The following ARFIP1 variants were observed in gnomAD, a reference collection of about 807,000 sequenced individuals.
ARFIP1 encodes arfaptin-1.
ARFIP1 carries 24 observed loss-of-function variants against 42.5 expected under a neutral mutation model. The observed-to-expected ratio is 0.57, with a 90% CI of 0.41 to 0.80. The LOEUF (loss-of-function observed/expected upper bound fraction) is 0.80. Ranked by LOEUF, ARFIP1 falls within the 30% of genes least tolerant of loss-of-function variation. The pLI is 0.00. For synonymous variants in ARFIP1, 141 were observed against 153.7 expected (o/e 0.92, Z 0.61); for missense variants, 354 against 434.0 (o/e 0.82, Z 1.64).
rs571719202 is a variant in ARFIP1 at position 152,784,597 on chromosome 4, C to T, written c.-10+4371C>T. ...AGTAGGCAATCTGCTTTGAAATCTT[C>T]TTCTAGTATGACTGTCGGTTCAGAT... On this transcript the variant is annotated intron_variant, in intron 1 of 8. Coordinates refer to ENST00000353617, the MANE Select transcript of ARFIP1 (RefSeq NM_001025595.3). 5.3e-5 allele frequency among the ~76,000 whole-genome samples: 8 copies of T among 152,194 alleles called. No homozygotes were observed. The South Asian group carries it at 1.7e-3, about 31-fold the overall frequency.
At chr4:152,812,258 G>A (rs568995423) in intron 1 of ARFIP1, among the ~76,000 whole-genome samples, 4 of 152,314 alleles carry the variant, frequency 2.6e-5, no homozygotes, top group Non-Finnish European at 4.4e-5. Context: ...GCAGTGGCAC[G>A]ATCATGGCTC....
intron 1 of ARFIP1, among the ~76,000 whole-genome samples, chr4:152,808,341 A>G (rs372867551): frequency 4.6e-5 from 4 of 87,170 alleles, no homozygotes; most frequent in East Asian, 7.2e-4. Context: ...GTTGTGTTCT[A>G]TTGCTGTGTG....
rs1561090650 is a variant in ARFIP1, at chr4:152,781,393, C to T, written c.-10+1167C>T. 2.0e-5 allele frequency among the ~76,000 whole-genome samples: 3 copies of T among 152,012 alleles called. No individual in the cohort carries two copies. The East Asian group carries it at 5.8e-4, about 29-fold the overall frequency. On this transcript the variant is annotated intron_variant, in intron 1 of 8. Transcript: ENST00000353617. ...TGGGTTTACAGGTAGGCGCCACTAC[C>T]GCCTAGCTAATTTTTGTATTTTTAG...
At chr4:152,841,907 G>A (rs1049146693) in intron 2 of ARFIP1, among the ~76,000 whole-genome samples, 1 of 152,094 alleles carries the variant, frequency 6.6e-6, no homozygotes, top group African/African-American at 2.4e-5. Context: ...AATCTCAACT[G>A]CACAACCCCT....
intron 1 of ARFIP1, among the ~76,000 whole-genome samples, chr4:152,811,090 CTTTT>C (rs5863021): frequency 5.4e-5 from 4 of 74,404 alleles, no homozygotes; most frequent in Non-Finnish European, 7.6e-5. Flanking sequence ...AAGGTTAAGC[CTTTT>C]TTTTTTTTTT....
chr4:152,787,953 CA>C (rs1254933274), intron 1 of ARFIP1, among the ~76,000 whole-genome samples: 1 of 152,236 alleles, frequency 6.6e-6, no homozygotes, highest in African/African-American at 2.4e-5. Flanking sequence ...AGGCCGGGCA[CA>C]GTGGCTCACG....
At chr4:152,822,482 C>T (rs1046534013) in intron 1 of ARFIP1, among the ~76,000 whole-genome samples, 5 of 152,100 alleles carry the variant, frequency 3.3e-5, no homozygotes, top group African/African-American at 1.2e-4. Context: ...CTTCAGTACT[C>T]CACTGGTGAC....
chr4:152,841,314 A>G (rs1377349964), intron 2 of ARFIP1, among the ~76,000 whole-genome samples: 3 of 152,174 alleles, frequency 2.0e-5, no homozygotes, highest in Non-Finnish European at 2.9e-5. Flanking sequence ...GATTACAGGC[A>G]TGAGCCACCG....
chr4:152,814,135 G>T, intron 1 of ARFIP1, among the ~76,000 whole-genome samples: 1 of 147,714 alleles, frequency 6.8e-6, no homozygotes, highest in Non-Finnish European at 1.5e-5. Context: ...TGTCACCCAG[G>T]CTGGAGTGCA....
chr4:152,906,321 A>G (rs563447506), intron 8 of ARFIP1, among the ~76,000 whole-genome samples: 1 of 152,340 alleles, frequency 6.6e-6, no homozygotes, highest in South Asian at 2.1e-4. Flanking sequence ...AGCATGTCCA[A>G]AACTAAGCTG....
intron 8 of ARFIP1, among the ~76,000 whole-genome samples, chr4:152,894,624 A>G (rs527681565): frequency 1.3e-5 from 2 of 152,356 alleles, no homozygotes; most frequent in East Asian, 3.9e-4. Context: ...TCTAAATTTT[A>G]AAATAAGCAT....
chr4:152,799,809 T>G (rs1200724822), intron 1 of ARFIP1, among the ~76,000 whole-genome samples: 1 of 152,194 alleles, frequency 6.6e-6, no homozygotes, highest in Non-Finnish European at 1.5e-5. Flanking sequence ...AATGATGGGA[T>G]TCATAAAAAT....
At position 152,866,540 on chromosome 4, in the gene ARFIP1, G is replaced by C. The variant is rs958573195; in HGVS notation, c.202+2826G>C. Among the ~76,000 whole-genome samples, 37 of 105,172 alleles carry C rather than the reference G, an allele frequency of 3.5e-4. No homozygotes were observed. The East Asian group carries it at 6.9e-3, about 20-fold the overall frequency. 69.0% of individuals were successfully genotyped at this position (105,172 alleles called of 152,430 possible). ...TCCCGGACGGGGCGGCTGGCCGCGC[G>C]GGGGCTGACCCCCACCTCCCTCCTG... On this transcript the variant is annotated intron_variant, in intron 3 of 8. Transcript: ENST00000353617.
At chr4:152,810,633 C>T (rs1356547956) in intron 1 of ARFIP1, among the ~76,000 whole-genome samples, 1 of 151,826 alleles carries the variant, frequency 6.6e-6, no homozygotes, top group East Asian at 1.9e-4. Context: ...ATGGTGAAAC[C>T]CCATCTCTAC....
chr4:152,851,744 A>G (rs1054681497), intron 2 of ARFIP1, among the ~76,000 whole-genome samples: 1 of 152,230 alleles, frequency 6.6e-6, no homozygotes, highest in Non-Finnish European at 1.5e-5. Context: ...GGACATTCTC[A>G]AGGATATATA....
intron 7 of ARFIP1, among the ~76,000 whole-genome samples, chr4:152,886,916 G>A (rs550289442): frequency 6.6e-6 from 1 of 152,096 alleles, no homozygotes; most frequent in African/African-American, 2.4e-5. Flanking sequence ...GCTAAATTCA[G>A]TATGAGTTAA....
intron 2 of ARFIP1, among the ~76,000 whole-genome samples, chr4:152,855,286 G>T (rs1214999770): frequency 6.6e-6 from 1 of 152,142 alleles, no homozygotes; most frequent in Non-Finnish European, 1.5e-5. Flanking sequence ...GCTGCGGGGG[G>T]TGGGGAAGCC....
intron 8 of ARFIP1, among the ~76,000 whole-genome samples, chr4:152,904,252 G>A (rs1033214674): frequency 1.3e-5 from 2 of 149,128 alleles, no homozygotes; most frequent in Admixed American, 1.3e-4. Flanking sequence ...GTGCAGTGGC[G>A]CAATATCGGC....
chr4:152,867,244 G>C (rs1157977152), intron 3 of ARFIP1, among the ~76,000 whole-genome samples: 1 of 152,168 alleles, frequency 6.6e-6, no homozygotes, highest in Non-Finnish European at 1.5e-5. Flanking sequence ...CTGCAATCCC[G>C]GCACCTCGGG....
Sources: gnomAD v4.1 joint callset for allele counts (sites outside exome capture counted in the v4.1 genomes callset) on GRCh38, gnomAD v4.1.1 for gene constraint, MANE v1.5 for transcripts, NCBI Gene and HGNC (gene_info 2026-07-23, HGNC 2026-07-21) for gene names.